Variants in RIMS2 observed in about 807,000 individuals in gnomAD.
RIMS2 encodes the protein regulating synaptic membrane exocytosis 2.
In RIMS2, 59 loss-of-function variants were observed where a neutral mutation model predicts 174.4. The observed-to-expected ratio is 0.34, with a 90% CI of 0.27 to 0.42. The LOEUF is 0.42. RIMS2 is among the 10% of genes least tolerant of loss of function. The pLI, the probability that RIMS2 is intolerant of heterozygous loss-of-function variation, is 1.00. For synonymous variants in RIMS2, 606 were observed against 572.5 expected, an observed-to-expected ratio of 1.06 and a Z score of -0.84; for missense variants, 1,620 against 1,666.3, an observed-to-expected ratio of 0.97 and a Z score of 0.48.
chr8:103,965,944 A>C (rs979943725), intron 15 of RIMS2, among the ~76,000 whole-genome samples: 1 of 152,178 alleles, frequency 6.6e-6, no homozygotes, highest in African/African-American at 2.4e-5. Flanking sequence ...GGTGGATTAC[A>C]TTAATTGATT....
At chr8:103,962,533 T>C (rs983836920) in intron 15 of RIMS2, among the ~76,000 whole-genome samples, 1 of 152,202 alleles carries the variant, frequency 6.6e-6, no homozygotes, top group Admixed American at 6.5e-5. Flanking sequence ...TGCCATGAAA[T>C]ATACTATATT....
At chr8:104,035,774 G>C (rs547552102) in intron 19 of RIMS2, among the ~76,000 whole-genome samples, 1 of 151,956 alleles carries the variant, frequency 6.6e-6, no homozygotes, top group Non-Finnish European at 1.5e-5. Context: ...TCTGGAAAAA[G>C]GAATTAGGGT....
chr8:104,123,906 A>G (rs940636209), intron 19 of RIMS2, among the ~76,000 whole-genome samples: 1 of 152,160 alleles, frequency 6.6e-6, no homozygotes, highest in African/African-American at 2.4e-5. Context: ...ACATGAAAAA[A>G]TTCTAAAGTG....
chr8:103,637,716 GA>G (rs2096122194), intron 1 of RIMS2, among the ~76,000 whole-genome samples: 1 of 152,136 alleles, frequency 6.6e-6, no homozygotes, highest in South Asian at 2.1e-4. Flanking sequence ...TCAAAACAAA[GA>G]AAACAGGATT....
intron 15 of RIMS2, among the ~76,000 whole-genome samples, chr8:103,968,296 T>C (rs2092391408): frequency 6.6e-6 from 1 of 152,202 alleles, no homozygotes; most frequent in Non-Finnish European, 1.5e-5. Context: ...TCTGACAGTC[T>C]CTTTTAGTTA....
At chr8:103,899,658 A>G (rs1480313223) in intron 4 of RIMS2, among the ~76,000 whole-genome samples, 1 of 151,570 alleles carries the variant, frequency 6.6e-6, no homozygotes, top group Non-Finnish European at 1.5e-5. Flanking sequence ...ATTTTCTCCC[A>G]TTCTGTAGGT....
intron 14 of RIMS2, among the ~76,000 whole-genome samples, chr8:103,953,224 A>G (rs1465178230): frequency 6.7e-6 from 1 of 149,024 alleles, no homozygotes; most frequent in Non-Finnish European, 1.5e-5. Context: ...AAGGCAGGCC[A>G]ACATTCAAAT....
chr8:103,636,304 G>C (rs561345281), intron 1 of RIMS2, among the ~76,000 whole-genome samples: 2 of 152,308 alleles, frequency 1.3e-5, no homozygotes, highest in Admixed American at 1.3e-4. Flanking sequence ...TAACCTCCCA[G>C]TTTGCTGGAA....
intron 19 of RIMS2, among the ~76,000 whole-genome samples, chr8:104,064,963 T>G (rs2097078589): frequency 6.6e-6 from 1 of 152,118 alleles, no homozygotes; most frequent in South Asian, 2.1e-4. Context: ...TCTTCTGAAA[T>G]AAACATAGTT....
chr8:103,521,412 A>G (rs1370383407), intron 1 of RIMS2, among the ~76,000 whole-genome samples: 3 of 152,214 alleles, frequency 2.0e-5, no homozygotes, highest in Admixed American at 6.6e-5. Flanking sequence ...TATGTTTTAC[A>G]TAGATGCAGT....
chr8:104,119,378 A>G (rs1283877376), intron 19 of RIMS2, among the ~76,000 whole-genome samples: 2 of 151,880 alleles, frequency 1.3e-5, no homozygotes, highest in African/African-American at 4.8e-5. Flanking sequence ...AAAAAACAAA[A>G]AAAACCCATA....
At chr8:104,167,115 T>C (rs1407583283) in intron 19 of RIMS2, among the ~76,000 whole-genome samples, 1 of 152,240 alleles carries the variant, frequency 6.6e-6, no homozygotes, top group Non-Finnish European at 1.5e-5. Context: ...TAATGACTTA[T>C]TTTCCTTTGG....
chr8:103,621,741 C>G (rs1176359650), intron 1 of RIMS2, among the ~76,000 whole-genome samples: 3 of 152,178 alleles, frequency 2.0e-5, no homozygotes, highest in Non-Finnish European at 1.5e-5. Context: ...AATTTTTGAA[C>G]AATGCTTGGC....
chr8:104,142,639 A>G (rs1187123027), intron 19 of RIMS2, among the ~76,000 whole-genome samples: 3 of 152,212 alleles, frequency 2.0e-5, no homozygotes, highest in African/African-American at 4.8e-5. Flanking sequence ...GCAGTGACCT[A>G]CCTTGTGACC....
chr8:104,061,384 G>A (rs1235828768), intron 19 of RIMS2, among the ~76,000 whole-genome samples: 1 of 151,932 alleles, frequency 6.6e-6, no homozygotes, highest in Non-Finnish European at 1.5e-5. Flanking sequence ...TAGGAGATTA[G>A]GATTGCAACC....
At chr8:104,016,689 T>G (rs986666874) in intron 19 of RIMS2, among the ~76,000 whole-genome samples, 3 of 152,124 alleles carry the variant, frequency 2.0e-5, no homozygotes, top group Non-Finnish European at 4.4e-5. Flanking sequence ...TCAACATCAT[T>G]TATTGGCATT....
chr8:104,232,035 T>C (rs1051379867), intron 19 of RIMS2, among the ~76,000 whole-genome samples: 5 of 71,310 alleles, frequency 7.0e-5, no homozygotes, highest in Non-Finnish European at 9.5e-5. Flanking sequence ...TTAGCGCATA[T>C]TGCCTTGCAT....
intron 1 of RIMS2, among the ~76,000 whole-genome samples, chr8:103,521,232 A>G (rs1230794309): frequency 6.6e-6 from 1 of 151,964 alleles, no homozygotes; most frequent in Non-Finnish European, 1.5e-5. Flanking sequence ...ACATGTATAC[A>G]TATGTAACAA....
At chr8:104,037,675 T>C (rs1321992199) in intron 19 of RIMS2, among the ~76,000 whole-genome samples, 1 of 152,200 alleles carries the variant, frequency 6.6e-6, no homozygotes, top group African/African-American at 2.4e-5. Flanking sequence ...TAAAACATTT[T>C]ACTTTGGCAA....
Sources: gnomAD v4.1 joint callset for allele counts (sites outside exome capture counted in the v4.1 genomes callset) on GRCh38, gnomAD v4.1.1 for gene constraint, MANE v1.5 for transcripts, NCBI Gene and HGNC (gene_info 2026-07-23, HGNC 2026-07-21) for gene names.